KIAA1549L: variants seen among roughly 807,000 people sequenced by gnomAD.
KIAA1549L encodes the protein UPF0606 protein KIAA1549L.
KIAA1549L carries 88 observed loss-of-function variants against 160.7 expected under a neutral mutation model. That is an observed-to-expected ratio of 0.55 (90% CI 0.46 to 0.65). The LOEUF (loss-of-function observed/expected upper bound fraction) is 0.65, where lower values mean the gene tolerates loss of function less well. Among genes scored for constraint, KIAA1549L ranks in the 30% least tolerant of loss-of-function variants. The pLI, the probability that KIAA1549L is intolerant of heterozygous loss-of-function variation, is 0.00. For synonymous variants in KIAA1549L, 950 were observed against 976.7 expected, an observed-to-expected ratio of 0.97 and a Z score of 0.51; for missense variants, 2,258 against 2,437.5, an observed-to-expected ratio of 0.93 and a Z score of 1.55.
chr11:33,479,362 A>C (rs1479412614), intron 1 of KIAA1549L, among the ~76,000 whole-genome samples: 2 of 152,238 alleles, frequency 1.3e-5, no homozygotes, highest in Non-Finnish European at 2.9e-5. Flanking sequence ...AAAAGCCAGA[A>C]TGTGAAATTT....
Position 33,618,620 on chromosome 11 carries a change from T to A in KIAA1549L, c.5367T>A (p.Thr1789=). 6.2e-7 allele frequency: 1 copy of A among 1,606,210 alleles called. No individual in the cohort carries two copies. Among genetic ancestry groups the A allele is most frequent in the Non-Finnish European group, 8.5e-7 (1 of 1,175,798 alleles). The change falls in exon 16 of 21, where the codon ACT becomes ACA. Residue 1789 remains threonine, a synonymous_variant. Transcript: ENST00000658780. ...AAACCGAGATGGACCTTCTGGTGAC[T>A]CGGGAGCGACCCCGGCGTGGAATCC... is the stretch of plus-strand genomic sequence containing the variant. ...PGETEMDLLV[T]RERPRRGIRN... is the part of the protein sequence containing the mutation.
In KIAA1549L at chr11:33,570,871, C is replaced by T. The variant is rs74365887; in HGVS notation, c.4230+2644C>T. Among the ~76,000 whole-genome samples the T allele has an allele frequency of 9.7e-3, 1,479 of 152,240 alleles. 27 individuals are homozygous for T. Among genetic ancestry groups the T allele is most frequent in the African/African-American group, 0.035 (1,435 of 41,546 alleles). ...TCACCTACCAAAGATTAGTAAAATA[C>T]TAAGATCCAGTATTGATGAGTGTGG... On this transcript the variant is annotated intron_variant, in intron 9 of 20. Coordinates refer to ENST00000658780, the MANE Select transcript of KIAA1549L (RefSeq NM_012194.3).
chr11:33,526,097 G>A (rs553166447), intron 1 of KIAA1549L, among the ~76,000 whole-genome samples: 2 of 152,016 alleles, frequency 1.3e-5, no homozygotes, highest in East Asian at 1.9e-4. Context: ...CCCACCTATT[G>A]CCTGAGAAAC....
chr11:33,599,039 A>T, intron 13 of KIAA1549L, 92 bp downstream of exon 13: 4 of 1,434,390 alleles, frequency 2.8e-6, no homozygotes, highest in Non-Finnish European at 3.8e-6. Context: ...ACTCACACAC[A>T]GCCACTGGGC....
chr11:33,394,353 C>T (rs901763271), intron 1 of KIAA1549L, among the ~76,000 whole-genome samples: 1 of 151,676 alleles, frequency 6.6e-6, no homozygotes, highest in African/African-American at 2.4e-5. Flanking sequence ...GCCACTACAC[C>T]CCAGCCTGGA....
intron 1 of KIAA1549L, among the ~76,000 whole-genome samples, chr11:33,430,045 T>TCCTTCCTC (rs538132465): frequency 0.025 from 3,191 of 128,930 alleles, 105 homozygotes; most frequent in Middle Eastern, 0.047. Context: ...CTTCCTTCCT[T>TCCTTCCTC]CCTCCCTTCC....
chr11:33,543,657 TTC>T lies in KIAA1549L; in HGVS notation c.2098_2099del (p.Leu700PhefsTer23). ...KPATTDVFWS[S>X]LSAETGSLST... ...CAGCAACCACAGATGTTTTCTGGAG[TTC>T]TCTTTCAGCAGAAACTGGATCTCTT... is the stretch of plus-strand genomic sequence containing the variant. On this transcript the variant is annotated frameshift_variant, in exon 2 of 21. Coordinates refer to ENST00000658780, the MANE Select transcript of KIAA1549L (RefSeq NM_012194.3). LOFTEE classifies it high-confidence loss of function. 6.2e-7 allele frequency: 1 copy of T among 1,613,880 alleles called. No individual in the cohort carries two copies. The highest frequency in any genetic ancestry group is 8.5e-7 in the Non-Finnish European group (1 of 1,179,830).
chr11:33,634,398 A>T lies in KIAA1549L; in HGVS notation c.5410-11288A>T, dbSNP rs149553001. Among the ~76,000 whole-genome samples, 99 of 152,300 alleles carry T rather than the reference A, an allele frequency of 6.5e-4. 1 individual carries two copies. Among genetic ancestry groups the T allele is most frequent in the African/African-American group, 2.3e-3 (94 of 41,566 alleles). ...CCAAAGAGAGGACTGCATTCCTCCA[A>T]GGGTGCCTTTCTCCAGCATGACTGG... On this transcript the variant is annotated intron_variant, in intron 16 of 20. Transcript: ENST00000658780.
intron 1 of KIAA1549L, among the ~76,000 whole-genome samples, chr11:33,421,905 T>C (rs1488059050): frequency 2.0e-5 from 3 of 152,102 alleles, no homozygotes; most frequent in African/African-American, 7.2e-5. Context: ...CAAGAGTTGA[T>C]TGAGTGGATT....
intron 1 of KIAA1549L, among the ~76,000 whole-genome samples, chr11:33,489,849 C>T (rs1366232753): frequency 6.6e-6 from 1 of 152,122 alleles, no homozygotes; most frequent in East Asian, 1.9e-4. Context: ...TGCCAGAGTC[C>T]ACTGCAACAG....
intron 15 of KIAA1549L, among the ~76,000 whole-genome samples, chr11:33,610,940 A>G (rs1278092184): frequency 1.3e-5 from 2 of 152,170 alleles, no homozygotes; most frequent in Non-Finnish European, 2.9e-5. Context: ...AGGCCAAATA[A>G]TGCCACCCAT....
intron 1 of KIAA1549L, among the ~76,000 whole-genome samples, chr11:33,432,069 G>T (rs545873597): frequency 9.8e-5 from 15 of 152,352 alleles, no homozygotes; most frequent in Non-Finnish European, 1.5e-4. Context: ...CGCCCACCCG[G>T]AACTCCAGCT....
intron 17 of KIAA1549L, 52 bp from the exon 18 acceptor site, chr11:33,655,960 G>C (rs1332013880): frequency 7.7e-7 from 1 of 1,290,552 alleles, no homozygotes; most frequent in Admixed American, 1.7e-5. Flanking sequence ...CCTGTGTGCT[G>C]ATCGACCCTG....
chr11:33,596,451 T>C (rs1850202331), intron 12 of KIAA1549L, among the ~76,000 whole-genome samples: 1 of 152,042 alleles, frequency 6.6e-6, no homozygotes, highest in Admixed American at 6.6e-5. Context: ...ACAAAAACCA[T>C]TCAGGCCAGG....
At chr11:33,489,587 G>C (rs1852609627) in intron 1 of KIAA1549L, among the ~76,000 whole-genome samples, 2 of 152,208 alleles carry the variant, frequency 1.3e-5, no homozygotes, top group Admixed American at 6.5e-5. Context: ...TAGTCATTCA[G>C]AGGCCCAGGC....
At chr11:33,490,798 C>A (rs1211693903) in intron 1 of KIAA1549L, among the ~76,000 whole-genome samples, 1 of 152,156 alleles carries the variant, frequency 6.6e-6, no homozygotes, top group Non-Finnish European at 1.5e-5. Context: ...CTCTAAAATG[C>A]CCGTGAATTA....
At chr11:33,398,992 A>C (rs1223524089) in intron 1 of KIAA1549L, among the ~76,000 whole-genome samples, 3 of 145,164 alleles carry the variant, frequency 2.1e-5, no homozygotes, top group African/African-American at 5.1e-5. Flanking sequence ...TTGCTCTGTC[A>C]CCCAGGCTGG....
At chr11:33,533,316 C>T (rs1469019426) in intron 1 of KIAA1549L, among the ~76,000 whole-genome samples, 1 of 152,154 alleles carries the variant, frequency 6.6e-6, no homozygotes, top group Non-Finnish European at 1.5e-5. Context: ...TGTCATTATG[C>T]ATGTGGTTCC....
chr11:33,523,596 T>C (rs554752546), intron 1 of KIAA1549L, among the ~76,000 whole-genome samples: 65 of 152,332 alleles, frequency 4.3e-4, no homozygotes, highest in African/African-American at 1.6e-3. Context: ...TGTACCAATG[T>C]AGATGGTACA....
Sources: gnomAD v4.1 joint callset for allele counts (sites outside exome capture counted in the v4.1 genomes callset) on GRCh38, gnomAD v4.1.1 for gene constraint, MANE v1.5 for transcripts, NCBI Gene and HGNC (gene_info 2026-07-23, HGNC 2026-07-21) for gene names.